The following CCDC112 variants were observed in gnomAD, a reference collection of about 807,000 sequenced individuals.
CCDC112 encodes coiled-coil domain-containing protein 112.
CCDC112 carries 40 observed loss-of-function variants against 66.3 expected under a neutral mutation model. The ratio of observed to expected loss-of-function variants is 0.60; its 90% CI spans 0.47 to 0.79. The LOEUF (loss-of-function observed/expected upper bound fraction) is 0.79, where lower values mean the gene tolerates loss of function less well. Ranked by LOEUF, CCDC112 falls within the 30% of genes least tolerant of loss-of-function variation. CCDC112 has a pLI of 0.00. For synonymous variants in CCDC112, 214 were observed against 197.2 expected, an observed-to-expected ratio of 1.09 and a Z score of -0.71; for missense variants, 659 against 603.8, an observed-to-expected ratio of 1.09 and a Z score of -0.96.
Position 115,296,590 on chromosome 5 carries a change from G to C in CCDC112, c.-47C>G, listed in dbSNP as rs1241926274. The stretch of plus-strand genomic sequence containing the variant: ...GGCCGCGGCGGCCACCGGTGCCTGG[G>C]GATTCGTGGCAGGCGCACCCTGGCC... On this transcript the variant is annotated 5_prime_UTR_variant, in exon 1 of 10. Transcript: ENST00000379611. 7.0e-7 allele frequency: 1 copy of C among 1,421,620 alleles called. No homozygotes were observed. Among genetic ancestry groups the C allele is most frequent in the African/African-American group, 1.5e-5 (1 of 66,644 alleles). The allele number at this position is 1,421,620 out of a possible 1,614,324, so 88.1% of individuals were successfully genotyped here.
intron 2 of CCDC112, among the ~76,000 whole-genome samples, chr5:115,283,042 G>C (rs1749522065): frequency 6.6e-6 from 1 of 151,954 alleles, no homozygotes; most frequent in Non-Finnish European, 1.5e-5. Context: ...ACCCTATCTA[G>C]AAAGAAACAT....
intron 1 of CCDC112, among the ~76,000 whole-genome samples, chr5:115,287,075 A>C (rs111707469): frequency 1.3e-5 from 2 of 152,280 alleles, no homozygotes; most frequent in African/African-American, 4.8e-5. Flanking sequence ...TCGAAGCCCC[A>C]AAATTTTAAA....
chr5:115,276,887 A>T (rs1025466233), intron 4 of CCDC112, 78 bp downstream of exon 4: 7 of 880,538 alleles, frequency 7.9e-6, no homozygotes, highest in Non-Finnish European at 1.3e-5. Context: ...CTAACCAATA[A>T]AGTAGAGTTT....
chr5:115,279,636 A>C lies in CCDC112; in HGVS notation c.361+11T>G. The C allele has an allele frequency of 6.2e-7, 1 of 1,609,858 alleles. No individual in the cohort carries two copies. Among genetic ancestry groups the C allele is most frequent in the Non-Finnish European group, 8.5e-7 (1 of 1,179,060 alleles). ...CTCAACAGTTTTTAGTTCATCACAA[A>C]CTCAACTTACTTTCTGTTTTCCTGC... On this transcript the variant is annotated intron_variant, in intron 3 of 9. Transcript: ENST00000379611.
intron 2 of CCDC112, among the ~76,000 whole-genome samples, chr5:115,283,264 T>A (rs903762832): frequency 6.6e-6 from 1 of 152,022 alleles, no homozygotes; most frequent in South Asian, 2.1e-4. Context: ...TTGACCAACA[T>A]CTCCCCATTA....
intron 9 of CCDC112, among the ~76,000 whole-genome samples, chr5:115,268,177 T>C (rs1012872014): frequency 6.6e-6 from 1 of 152,236 alleles, no homozygotes; most frequent in Non-Finnish European, 1.5e-5. Flanking sequence ...TTTTCAATAC[T>C]ACTCTCCTTA....
Position 115,296,642 on chromosome 5 carries a change from G to T in CCDC112, c.-99C>A. The T allele has an allele frequency of 1.5e-6, 2 of 1,294,002 alleles. No individual in the cohort carries two copies. The highest frequency in any genetic ancestry group is 2.0e-6 in the Non-Finnish European group (2 of 1,010,312). 80.2% of individuals were successfully genotyped at this position (1,294,002 alleles called of 1,614,324 possible). On this transcript the variant is annotated 5_prime_UTR_variant, in exon 1 of 10. Transcript: ENST00000379611. ...CTGCAGACAGCTCCCTGCGCTGCGG[G>T]CTTGGCCGGGATGCAGGGCGGGGCC...
intron 8 of CCDC112, 22 bp downstream of exon 8, chr5:115,269,681 A>T (rs1041629195): frequency 4.0e-6 from 6 of 1,507,038 alleles, no homozygotes; most frequent in Non-Finnish European, 5.4e-6. Context: ...ATAACAATGA[A>T]AATAATCTCG....
intron 1 of CCDC112, among the ~76,000 whole-genome samples, chr5:115,285,821 A>G (rs1749651143): frequency 6.6e-6 from 1 of 152,112 alleles, no homozygotes; most frequent in Non-Finnish European, 1.5e-5. Context: ...TCAATGAGGT[A>G]CTTAGTACAG....
At chr5:115,296,075 G>A (rs1253479255) in intron 1 of CCDC112, 1 of 1,023,326 alleles carries the variant, frequency 9.8e-7, no homozygotes. Context: ...CACTGTGCCA[G>A]GGGCTCCCCA....
intron 1 of CCDC112, among the ~76,000 whole-genome samples, 174 bp from the exon 2 acceptor site, chr5:115,285,082 A>T (rs1242057849): frequency 6.6e-6 from 1 of 152,258 alleles, no homozygotes; most frequent in Non-Finnish European, 1.5e-5. Context: ...TATCAAATGA[A>T]GGAATATCTA....
chr5:115,285,705 G>A (rs1297232236), intron 1 of CCDC112, among the ~76,000 whole-genome samples: 1 of 152,124 alleles, frequency 6.6e-6, no homozygotes, highest in East Asian at 1.9e-4. Context: ...GCAGGGAAAT[G>A]CCATGATACA....
At chr5:115,287,841 A>G (rs1171606346) in intron 1 of CCDC112, among the ~76,000 whole-genome samples, 1 of 150,768 alleles carries the variant, frequency 6.6e-6, no homozygotes, top group Non-Finnish European at 1.5e-5. Flanking sequence ...CTCAACTCCA[A>G]TCTGCTTTTT....
intron 1 of CCDC112, among the ~76,000 whole-genome samples, chr5:115,293,394 G>T (rs1232726414): frequency 1.3e-5 from 2 of 152,112 alleles, no homozygotes; most frequent in Non-Finnish European, 2.9e-5. Context: ...ATTCCACATT[G>T]TATACATATA....
intron 1 of CCDC112, among the ~76,000 whole-genome samples, chr5:115,291,215 T>G (rs1749914398): frequency 6.6e-6 from 1 of 152,144 alleles, no homozygotes; most frequent in Admixed American, 6.5e-5. Flanking sequence ...TTTTGTCAAT[T>G]GCTTTTCTGC....
chr5:115,283,605 G>C (rs1337898023), intron 2 of CCDC112, among the ~76,000 whole-genome samples: 1 of 151,984 alleles, frequency 6.6e-6, no homozygotes, highest in Non-Finnish European at 1.5e-5. Flanking sequence ...ATTTTTATTT[G>C]TCAGTTATAC....
At chr5:115,287,813 C>T (rs141290805) in intron 1 of CCDC112, among the ~76,000 whole-genome samples, 61 of 148,420 alleles carry the variant, frequency 4.1e-4, no homozygotes, top group Non-Finnish European at 7.1e-4. Flanking sequence ...GCTGAGACTA[C>T]AGGCACATGC....
chr5:115,283,968 G>C (rs1322009341), intron 2 of CCDC112, among the ~76,000 whole-genome samples: 1 of 151,912 alleles, frequency 6.6e-6, no homozygotes, highest in East Asian at 1.9e-4. Context: ...AAATATCAAT[G>C]GTTGTTTAAA....
intron 1 of CCDC112, 132 bp from the exon 2 acceptor site, chr5:115,285,040 C>T (rs1459322002): frequency 5.9e-6 from 4 of 683,646 alleles, no homozygotes; most frequent in Non-Finnish European, 9.8e-6. Context: ...TCACTTAACT[C>T]TTAAAAGTAC....
Sources: gnomAD v4.1 joint callset for allele counts (sites outside exome capture counted in the v4.1 genomes callset) on GRCh38, gnomAD v4.1.1 for gene constraint, MANE v1.5 for transcripts, NCBI Gene and HGNC (gene_info 2026-07-23, HGNC 2026-07-21) for gene names.